Variants in FOXN3 observed in about 807,000 individuals in gnomAD.
The protein encoded by FOXN3 is forkhead box protein N3.
FOXN3 carries 7 observed loss-of-function variants against 38.4 expected under a neutral mutation model. The observed-to-expected ratio is 0.18, with a 90% CI of 0.10 to 0.34. The LOEUF (loss-of-function observed/expected upper bound fraction) is 0.34, where lower values mean the gene tolerates loss of function less well. Ranked by LOEUF, FOXN3 falls within the 10% of genes least tolerant of loss-of-function variation. FOXN3 has a pLI of 1.00. For missense variants in FOXN3, 456 were observed against 613.4 expected (o/e 0.74, Z 2.71); for synonymous variants, 230 against 242.2 (o/e 0.95, Z 0.47).
At chr14:89,537,144 C>T (rs1180580061) in intron 1 of FOXN3, among the ~76,000 whole-genome samples, 3 of 152,206 alleles carry the variant, frequency 2.0e-5, no homozygotes, top group Admixed American at 1.3e-4. Context: ...AATCCACATC[C>T]TAAACAGGAA....
In FOXN3 at chr14:89,613,116, C is replaced by CAAAAA. The variant is rs10581958; in HGVS notation, c.-15+5907_-15+5911dup. ...TGGGCGACAGAGCAAGACTCTGTCT[C>CAAAAA]AAAAAAAAAAAAAAAAAAAAAAAAA... On this transcript the variant is annotated intron_variant, in intron 1 of 6. Transcript: ENST00000345097. Among the ~76,000 whole-genome samples, 222 of 74,580 alleles carry CAAAAA rather than the reference C, an allele frequency of 3.0e-3. 15 individuals carry two copies. Among genetic ancestry groups the CAAAAA allele is most frequent in the African/African-American group, 0.014 (205 of 15,016 alleles). 48.9% of individuals were successfully genotyped at this position (74,580 alleles called of 152,430 possible).
rs1887954046 is a variant in FOXN3 at position 89,191,893 on chromosome 14, T to C, written c.746-11087A>G. On this transcript the variant is annotated intron_variant, in intron 4 of 5. Coordinates refer to ENST00000557258, the MANE Select transcript of FOXN3 (RefSeq NM_005197.4). ...ATGAGAAACAAGTAAATTAACTTATTTGGCAACCCTAGGGGTGAAATTCCT... is the reference window on the plus strand; with the variant it reads ...ATGAGAAACAAGTAAATTAACTTATCTGGCAACCCTAGGGGTGAAATTCCT... Among the ~76,000 whole-genome samples, 3 of 149,206 alleles carry C rather than the reference T, an allele frequency of 2.0e-5. No homozygotes were observed. In the South Asian group the frequency reaches 6.3e-4, roughly 31 times the overall value.
rs963198128 is a variant in FOXN3 at position 89,281,103 on chromosome 14, C to G, written c.681-89G>C. On this transcript the variant is annotated intron_variant, in intron 3 of 5. Transcript: ENST00000557258. The stretch of plus-strand genomic sequence containing the variant: ...TCCCACACTTCCCTCAAAACATTTC[C>G]CCAAGTATGCATTACTGACACCCTT... The G allele has an allele frequency of 2.6e-6, 3 of 1,162,720 alleles. No individual in the cohort carries two copies. The African/African-American group carries it at 4.6e-5, about 18-fold the overall frequency. 72.0% of individuals were successfully genotyped at this position (1,162,720 alleles called of 1,614,324 possible).
chr14:89,294,914 T>C (rs1444213254), intron 3 of FOXN3, among the ~76,000 whole-genome samples: 4 of 152,224 alleles, frequency 2.6e-5, no homozygotes, highest in African/African-American at 7.2e-5. Flanking sequence ...CTTTACTCTA[T>C]GGAATCGCCC....
intron 1 of FOXN3, among the ~76,000 whole-genome samples, chr14:89,448,815 G>A (rs917477022): frequency 1.3e-5 from 2 of 151,700 alleles, no homozygotes; most frequent in Non-Finnish European, 2.9e-5. Context: ...GTGGTGCGGC[G>A]CCTGTAGTCC....
At chr14:89,475,231 T>C (rs1011963114) in intron 1 of FOXN3, among the ~76,000 whole-genome samples, 9 of 152,232 alleles carry the variant, frequency 5.9e-5, no homozygotes, top group African/African-American at 2.2e-4. Context: ...ACATATGCAT[T>C]CCATGAATAG....
At chr14:89,266,868 C>T (rs1041401791) in intron 4 of FOXN3, among the ~76,000 whole-genome samples, 2 of 152,088 alleles carry the variant, frequency 1.3e-5, no homozygotes, top group Non-Finnish European at 2.9e-5. Flanking sequence ...ACAAAAGAGA[C>T]GCCATTGTAT....
In FOXN3 at chr14:89,199,875, G is replaced by A. The variant is rs1235605410; in HGVS notation, c.746-19069C>T. Among the ~76,000 whole-genome samples the A allele has an allele frequency of 2.0e-5, 3 of 152,102 alleles. No individual in the cohort carries two copies. In the East Asian group the frequency reaches 5.8e-4, roughly 29 times the overall value. On this transcript the variant is annotated intron_variant, in intron 4 of 5. Coordinates refer to ENST00000557258, the MANE Select transcript of FOXN3 (RefSeq NM_005197.4). ...GCCAAGATTGTGCCACTGCGCTCAA[G>A]CCTGGGCGACACAGCGAGACTCCAT...
chr14:89,380,912 C>T (rs767098828), intron 2 of FOXN3, among the ~76,000 whole-genome samples: 1 of 151,958 alleles, frequency 6.6e-6, no homozygotes, highest in South Asian at 2.1e-4. Flanking sequence ...GAGGCTGAGG[C>T]GGATGGATCA....
intron 3 of FOXN3, among the ~76,000 whole-genome samples, chr14:89,339,066 T>C (rs1030653865): frequency 6.6e-6 from 1 of 152,170 alleles, no homozygotes; most frequent in Admixed American, 6.5e-5. Flanking sequence ...AACGGTGCGA[T>C]CTCGGCTCAC....
intron 5 of FOXN3, among the ~76,000 whole-genome samples, chr14:89,168,709 T>C (rs919434303): frequency 2.6e-5 from 4 of 152,052 alleles, no homozygotes; most frequent in Non-Finnish European, 5.9e-5. Context: ...GAATAGAAAA[T>C]GGCTAGAATT....
At chr14:89,554,064 C>T (rs578249260) in intron 1 of FOXN3, among the ~76,000 whole-genome samples, 1 of 152,136 alleles carries the variant, frequency 6.6e-6, no homozygotes, top group Non-Finnish European at 1.5e-5. Flanking sequence ...TGCAGTGACA[C>T]GATCTCATAT....
intron 3 of FOXN3, chr14:89,291,536 G>A (rs1886872535): frequency 3.4e-6 from 2 of 579,866 alleles, no homozygotes; most frequent in Admixed American, 1.9e-5. Flanking sequence ...TGCAGACAGC[G>A]ACTCCAGGCA....
chr14:89,532,664 C>A (rs1894593220), intron 1 of FOXN3, among the ~76,000 whole-genome samples: 1 of 152,138 alleles, frequency 6.6e-6, no homozygotes. Context: ...ATTAGAGGAT[C>A]CTATTTAGAA....
chr14:89,518,309 G>A (rs999895258), intron 1 of FOXN3, among the ~76,000 whole-genome samples: 6 of 152,126 alleles, frequency 3.9e-5, no homozygotes, highest in East Asian at 1.9e-4. Context: ...GCTACTTTGC[G>A]GTCATATCTT....
intron 2 of FOXN3, among the ~76,000 whole-genome samples, chr14:89,410,797 CAGG>C (rs903625377): frequency 4.3e-4 from 65 of 151,390 alleles, no homozygotes; most frequent in African/African-American, 1.6e-3. Context: ...CACTCAAGCC[CAGG>C]AGGTCAAAGC....
intron 1 of FOXN3, among the ~76,000 whole-genome samples, chr14:89,583,112 T>C (rs1895776815): frequency 6.6e-6 from 1 of 152,258 alleles, no homozygotes. Context: ...TTCATTTCTC[T>C]TAGACTGGCA....
intron 1 of FOXN3, among the ~76,000 whole-genome samples, chr14:89,528,522 G>A (rs573827398): frequency 2.7e-5 from 4 of 150,704 alleles, no homozygotes; most frequent in Non-Finnish European, 5.9e-5. Flanking sequence ...TCAGCCTCCC[G>A]AGTAGCTGGG....
rs541001424 is a variant in FOXN3 at position 89,461,015 on chromosome 14, C to A, written c.-14-48525G>T. 5.3e-5 allele frequency among the ~76,000 whole-genome samples: 6 copies of A among 113,380 alleles called. No individual in the cohort carries two copies. In the South Asian group the frequency reaches 1.8e-3, roughly 33 times the overall value. 74.4% of individuals were successfully genotyped at this position (113,380 alleles called of 152,430 possible). On this transcript the variant is annotated intron_variant, in intron 1 of 6. Transcript: ENST00000345097. ...TGCACTCCAGCCTGGGCAACAAGAG[C>A]GAAACTCCATCTTAAAAAAAAAAGG...
Sources: gnomAD v4.1 joint callset for allele counts (sites outside exome capture counted in the v4.1 genomes callset) on GRCh38, gnomAD v4.1.1 for gene constraint, MANE v1.5 for transcripts, NCBI Gene and HGNC (gene_info 2026-07-23, HGNC 2026-07-21) for gene names.